TCF12: variants seen among roughly 807,000 people sequenced by gnomAD.
The protein encoded by TCF12 is DNA-binding protein HTF4.
A neutral mutation model predicts 86.0 loss-of-function variants in TCF12; 45 were observed. The observed-to-expected ratio is 0.52, with a 90% CI of 0.41 to 0.67. TCF12 has a LOEUF of 0.67. Ranked by LOEUF, TCF12 falls within the 30% of genes least tolerant of loss-of-function variation. The probability of loss-of-function intolerance (pLI) is 0.00; values close to 1 mark genes in which losing one functional copy is unlikely to be tolerated. For synonymous variants in TCF12, 330 were observed against 299.6 expected (o/e 1.10, Z -1.05); for missense variants, 881 against 859.9 (o/e 1.02, Z -0.31).
At chr15:57,134,702 A>G (rs1202167908) in intron 5 of TCF12, among the ~76,000 whole-genome samples, 2 of 152,240 alleles carry the variant, frequency 1.3e-5, no homozygotes, top group East Asian at 3.8e-4. Context: ...AATCAGATAC[A>G]ATTAAGACTT....
chr15:57,041,414 C>G (rs1567304748), intron 3 of TCF12, among the ~76,000 whole-genome samples: 2 of 152,010 alleles, frequency 1.3e-5, no homozygotes, highest in Non-Finnish European at 2.9e-5. Flanking sequence ...ATGTTTTTCC[C>G]TTTGTATTCA....
intron 8 of TCF12, among the ~76,000 whole-genome samples, chr15:57,225,142 T>C (rs1261011435): frequency 1.3e-5 from 2 of 151,592 alleles, no homozygotes; most frequent in Non-Finnish European, 2.9e-5. Context: ...AAATTTTGAT[T>C]ACCGAAGGAA....
At position 57,289,616 on chromosome 15, in the gene TCF12, T is replaced by G. The variant is rs1251533617; in HGVS notation, c.*3471T>G. 1 of 151,966 alleles carries G rather than the reference T, an allele frequency of 6.6e-6. No individual in the cohort carries two copies. Among genetic ancestry groups the G allele is most frequent in the African/African-American group, 2.4e-5 (1 of 41,368 alleles). 9.4% of individuals were successfully genotyped at this position (151,966 alleles called of 1,614,324 possible). On this transcript the variant is annotated 3_prime_UTR_variant, in exon 21 of 21. Coordinates refer to ENST00000333725, the MANE Select transcript of TCF12 (RefSeq NM_207037.2). The stretch of plus-strand genomic sequence containing the variant: ...TAAACACACGTCGTGTGTGTGTGTG[T>G]GTGTGTGTCTGTGTGTGTGTGACTT...
intron 8 of TCF12, among the ~76,000 whole-genome samples, chr15:57,227,583 A>G (rs549718311): frequency 6.6e-6 from 1 of 152,234 alleles, no homozygotes; most frequent in Admixed American, 6.5e-5. Context: ...GAGGACATGC[A>G]AGATATGATT....
intron 3 of TCF12, among the ~76,000 whole-genome samples, chr15:56,948,178 G>C (rs2061097723): frequency 6.6e-6 from 1 of 151,648 alleles, no homozygotes; most frequent in African/African-American, 2.4e-5. Context: ...CTGGAATGCA[G>C]TGGCGTGATC....
intron 3 of TCF12, among the ~76,000 whole-genome samples, chr15:57,010,932 T>C (rs759610202): frequency 1.1e-4 from 17 of 152,132 alleles, no homozygotes; most frequent in Non-Finnish European, 2.1e-4. Flanking sequence ...GTTGGACAGG[T>C]AGAACTGAAC....
At chr15:57,094,571 T>TAGAA (rs1225479490) in intron 5 of TCF12, among the ~76,000 whole-genome samples, 1 of 152,204 alleles carries the variant, frequency 6.6e-6, no homozygotes, top group Non-Finnish European at 1.5e-5. Flanking sequence ...GTTTGTTAAT[T>TAGAA]TAAGGGAGTT....
intron 4 of TCF12, among the ~76,000 whole-genome samples, chr15:57,079,836 C>CT (rs1441139911): frequency 6.6e-6 from 1 of 152,016 alleles, no homozygotes; most frequent in African/African-American, 2.4e-5. Flanking sequence ...TTCCTTTGTT[C>CT]TTTGTAGCAA....
At chr15:56,957,961 C>G (rs1460060900) in intron 3 of TCF12, among the ~76,000 whole-genome samples, 5 of 152,172 alleles carry the variant, frequency 3.3e-5, no homozygotes, top group Non-Finnish European at 2.9e-5. Context: ...TTTGTGTGCT[C>G]TTTCAGTGCC....
intron 6 of TCF12, among the ~76,000 whole-genome samples, chr15:57,177,540 G>T (rs552624053): frequency 7.2e-4 from 108 of 148,966 alleles, no homozygotes; most frequent in African/African-American, 2.6e-3. Flanking sequence ...CAAAGTGTTG[G>T]GATTACAGGC....
At chr15:57,063,168 G>C (rs2068592589) in intron 3 of TCF12, among the ~76,000 whole-genome samples, 1 of 152,176 alleles carries the variant, frequency 6.6e-6, no homozygotes, top group Non-Finnish European at 1.5e-5. Flanking sequence ...TTTTAGAAGA[G>C]ATGGAAGTGT....
chr15:57,282,383 A>C, intron 19 of TCF12, 62 bp from the exon 20 acceptor site: 2 of 1,595,518 alleles, frequency 1.3e-6, no homozygotes, highest in Non-Finnish European at 1.7e-6. Flanking sequence ...CAATTTGTTC[A>C]GCTTGAGACC....
At chr15:57,025,076 G>A (rs943029543) in intron 3 of TCF12, among the ~76,000 whole-genome samples, 1 of 146,762 alleles carries the variant, frequency 6.8e-6, no homozygotes, top group Admixed American at 6.9e-5. Flanking sequence ...TTGTGTCCCC[G>A]CTACCTTTTT....
chr15:56,961,855 T>A (rs1360643891), intron 3 of TCF12, among the ~76,000 whole-genome samples: 6 of 152,062 alleles, frequency 3.9e-5, no homozygotes, highest in Admixed American at 3.3e-4. Context: ...TAAAATATGT[T>A]TAATGGGCCG....
Position 57,239,090 on chromosome 15 carries a change from C to T in TCF12, c.1036-4382C>T, listed in dbSNP as rs138737282. Among the ~76,000 whole-genome samples, 288 of 152,300 alleles carry T rather than the reference C, an allele frequency of 1.9e-3. 1 individual carries two copies. Among genetic ancestry groups the T allele is most frequent in the Admixed American group, 4.7e-3 (72 of 15,286 alleles). On this transcript the variant is annotated intron_variant, in intron 12 of 20. Transcript: ENST00000333725. ...AGACTATAAGGGCTAGGCAACACCA[C>T]GCCTGTAATCCCAGCACTTTAGGAG...
chr15:57,095,077 A>G (rs1343383867), intron 5 of TCF12, among the ~76,000 whole-genome samples: 1 of 152,236 alleles, frequency 6.6e-6, no homozygotes, highest in Admixed American at 6.5e-5. Context: ...TGAATTGCAG[A>G]AATCTCCTGT....
At chr15:57,208,986 G>T (rs1276868640) in intron 8 of TCF12, among the ~76,000 whole-genome samples, 2 of 152,230 alleles carry the variant, frequency 1.3e-5, no homozygotes, top group African/African-American at 4.8e-5. Context: ...AAAGTGCTGG[G>T]ATTACAGGTG....
intron 3 of TCF12, among the ~76,000 whole-genome samples, chr15:57,019,558 G>A (rs547509114): frequency 2.0e-5 from 3 of 152,222 alleles, no homozygotes; most frequent in Admixed American, 1.3e-4. Context: ...ATTGGTTGAG[G>A]ATGAAATTAT....
chr15:57,204,284 A>C (rs77524121), intron 8 of TCF12, among the ~76,000 whole-genome samples: 2,912 of 152,020 alleles, frequency 0.019, 77 homozygotes, highest in African/African-American at 0.058. Context: ...CACACACACA[A>C]AAAAATATTT....
Sources: allele counts gnomAD v4.1 joint callset (sites outside exome capture counted in the v4.1 genomes callset), GRCh38; gene constraint gnomAD v4.1.1; transcripts MANE v1.5; gene names NCBI Gene and HGNC (gene_info 2026-07-23, HGNC 2026-07-21).